CSMD1: variants seen among roughly 807,000 people sequenced by gnomAD.
CSMD1 encodes the protein CUB and sushi domain-containing protein 1.
A neutral mutation model predicts 417.5 loss-of-function variants in CSMD1; 213 were observed. That is an observed-to-expected ratio of 0.51 (90% CI 0.46 to 0.57). The LOEUF (loss-of-function observed/expected upper bound fraction) is 0.57. CSMD1 is among the 20% of genes least tolerant of loss of function. The probability of loss-of-function intolerance (pLI) is 0.00; values close to 1 mark genes in which losing one functional copy is unlikely to be tolerated. For missense variants in CSMD1, 6,923 were observed against 4,529.7 expected (o/e 1.53, Z -15.17); for synonymous variants, 2,862 against 1,736.8 (o/e 1.65, Z -16.11).
intron 3 of CSMD1, among the ~76,000 whole-genome samples, chr8:4,270,544 A>T (rs1054976950): frequency 3.3e-5 from 5 of 152,086 alleles, no homozygotes; most frequent in African/African-American, 1.2e-4. Flanking sequence ...TGTGACTAGT[A>T]CAGCTTGAAC....
intron 3 of CSMD1, among the ~76,000 whole-genome samples, chr8:4,366,179 G>T (rs1166356223): frequency 6.6e-6 from 1 of 151,776 alleles, no homozygotes; most frequent in Non-Finnish European, 1.5e-5. Context: ...GCAGCATTTG[G>T]TTTTCTGTCT....
intron 2 of CSMD1, 75 bp downstream of exon 2, chr8:4,637,267 T>C: frequency 1.5e-6 from 2 of 1,295,572 alleles, no homozygotes; most frequent in Admixed American, 1.9e-5. Context: ...TAATAAAATT[T>C]AAATATTCCA....
chr8:4,982,029 A>T (rs1312719101), intron 1 of CSMD1, among the ~76,000 whole-genome samples: 4 of 152,086 alleles, frequency 2.6e-5, no homozygotes, highest in African/African-American at 9.7e-5. Flanking sequence ...CATTCCTACA[A>T]CTGCAAGGAA....
intron 5 of CSMD1, among the ~76,000 whole-genome samples, chr8:3,877,733 T>C (rs28394851): frequency 0.28 from 42,657 of 151,944 alleles, 8,117 homozygotes; most frequent in African/African-American, 0.55. Context: ...AATAGCAAGT[T>C]TGACCGTTAA....
At chr8:3,220,393 G>A (rs976572354) in intron 28 of CSMD1, among the ~76,000 whole-genome samples, 4 of 152,132 alleles carry the variant, frequency 2.6e-5, no homozygotes, top group Admixed American at 2.6e-4. Context: ...GTCAAGGGCT[G>A]GGCTGTGTTT....
At chr8:4,032,124 G>A (rs1203519548) in intron 3 of CSMD1, 25 bp from the exon 4 acceptor site, 4 of 1,548,892 alleles carry the variant, frequency 2.6e-6, no homozygotes, top group East Asian at 2.3e-5. Context: ...AAAGAAAGGA[G>A]AAAAAACAAG....
At position 3,748,890 on chromosome 8, in the gene CSMD1, C is replaced by A. The variant is rs146895310; in HGVS notation, c.931+5040G>T. 2.0e-3 allele frequency among the ~76,000 whole-genome samples: 298 copies of A among 152,190 alleles called. 1 individual carries two copies. The highest frequency in any genetic ancestry group is 6.7e-3 in the African/African-American group (280 of 41,524). On this transcript the variant is annotated intron_variant, in intron 6 of 69. Coordinates refer to ENST00000635120, the MANE Select transcript of CSMD1 (RefSeq NM_033225.6). The stretch of plus-strand genomic sequence containing the variant: ...GCTTTATCGCCACTGTCAGGGTTTC[C>A]CTTGATTTATGAGATGAATGTTCCC...
At chr8:4,623,862 C>T (rs1287177428) in intron 2 of CSMD1, among the ~76,000 whole-genome samples, 2 of 151,964 alleles carry the variant, frequency 1.3e-5, no homozygotes, top group African/African-American at 2.4e-5. Context: ...GGATGGATGA[C>T]CGGGGTCACA....
At position 3,783,257 on chromosome 8, in the gene CSMD1, GA is replaced by G. The variant is rs1358599227; in HGVS notation, c.819-29216del. On this transcript the variant is annotated intron_variant, in intron 5 of 69. Transcript: ENST00000635120. ...GGCCGATACTGTGTAGGTGCTCCCG[GA>G]AAAACTGGTTTTTTGCAAAACTCAC... 1.2e-4 allele frequency among the ~76,000 whole-genome samples: 19 copies of G among 152,312 alleles called. No individual in the cohort carries two copies. The East Asian group carries it at 3.7e-3, about 29-fold the overall frequency.
rs570624649 is a variant in CSMD1 at position 3,895,437 on chromosome 8, A to C, written c.818+102466T>G. 3.8e-4 allele frequency among the ~76,000 whole-genome samples: 58 copies of C among 152,276 alleles called. 3 individuals are homozygous for C. The highest frequency in any genetic ancestry group is 1.1e-3 in the Admixed American group (17 of 15,298). Reference sequence around the variant, plus strand: ...GTGGCCCTATTAACACAACAGTGTCAATCCACAATGTTTAAATCTTAGCAG... The same window carrying C: ...GTGGCCCTATTAACACAACAGTGTCCATCCACAATGTTTAAATCTTAGCAG... On this transcript the variant is annotated intron_variant, in intron 5 of 69. Transcript: ENST00000635120.
intron 7 of CSMD1, among the ~76,000 whole-genome samples, chr8:3,641,922 T>G (rs1797326087): frequency 6.6e-6 from 1 of 152,166 alleles, no homozygotes; most frequent in African/African-American, 2.4e-5. Flanking sequence ...CTGATTAAGG[T>G]TAGCAAAAAA....
intron 52 of CSMD1, among the ~76,000 whole-genome samples, chr8:3,000,820 G>C (rs774470684): frequency 2.6e-5 from 4 of 152,192 alleles, no homozygotes. Flanking sequence ...TGAAAGAACA[G>C]GAAGGAGCGC....
intron 5 of CSMD1, among the ~76,000 whole-genome samples, chr8:3,838,762 T>C (rs1563132140): frequency 1.2e-5 from 1 of 85,544 alleles, no homozygotes. Flanking sequence ...AAATATTATA[T>C]AGTATAATAT....
At chr8:3,461,500 G>A (rs1816501466) in intron 12 of CSMD1, among the ~76,000 whole-genome samples, 1 of 152,202 alleles carries the variant, frequency 6.6e-6, no homozygotes, top group South Asian at 2.1e-4. Context: ...CACCCCAGGA[G>A]CTGATTGAGA....
intron 1 of CSMD1, among the ~76,000 whole-genome samples, chr8:4,687,805 A>T (rs914841595): frequency 6.8e-6 from 1 of 147,978 alleles, no homozygotes; most frequent in East Asian, 2.0e-4. Flanking sequence ...ATGCATGCAC[A>T]GACAGATACA....
chr8:3,210,627 T>C (rs1360401956), intron 30 of CSMD1, among the ~76,000 whole-genome samples: 4 of 148,490 alleles, frequency 2.7e-5, no homozygotes, highest in Non-Finnish European at 5.9e-5. Flanking sequence ...GACAGGAATA[T>C]ATATATAAAG....
At chr8:3,960,398 G>A (rs1427093714) in intron 5 of CSMD1, among the ~76,000 whole-genome samples, 2 of 152,120 alleles carry the variant, frequency 1.3e-5, no homozygotes, top group East Asian at 1.9e-4. Context: ...TGTCTTCTAT[G>A]CACCAGACAG....
At chr8:3,410,826 A>G (rs1489543368) in intron 12 of CSMD1, among the ~76,000 whole-genome samples, 1 of 152,070 alleles carries the variant, frequency 6.6e-6, no homozygotes, top group Non-Finnish European at 1.5e-5. Context: ...GCAACTTCCA[A>G]CTCTGGGGCT....
intron 1 of CSMD1, among the ~76,000 whole-genome samples, chr8:4,875,983 GATTTTT>G (rs1468007519): frequency 8.6e-5 from 13 of 151,942 alleles, no homozygotes; most frequent in Non-Finnish European, 1.2e-4. Flanking sequence ...TTATGAACAC[GATTTTT>G]ATTTTTATAG....
Sources: allele counts gnomAD v4.1 joint callset (sites outside exome capture counted in the v4.1 genomes callset), GRCh38; gene constraint gnomAD v4.1.1; transcripts MANE v1.5; gene names NCBI Gene and HGNC (gene_info 2026-07-23, HGNC 2026-07-21).